PGAP6: variants seen among roughly 807,000 people sequenced by gnomAD.
PGAP6 encodes the protein post-GPI attachment to proteins factor 6.
In PGAP6, 62 loss-of-function variants were observed where a neutral mutation model predicts 68.4. The ratio of observed to expected loss-of-function variants is 0.91; its 90% CI spans 0.74 to 1.12. The LOEUF is 1.12. Ranked by LOEUF, PGAP6 falls within the 50% of genes most tolerant of loss-of-function variation. The pLI, the probability that PGAP6 is intolerant of heterozygous loss-of-function variation, is 0.00. For missense variants in PGAP6, 1,188 were observed against 1,068.5 expected (o/e 1.11, Z -1.56); for synonymous variants, 575 against 474.0 (o/e 1.21, Z -2.77).
intron 1 of PGAP6, among the ~76,000 whole-genome samples, chr16:378,225 G>GACTGCCATCGCCACCCGC (rs1567325698): frequency 7.3e-5 from 1 of 13,766 alleles, no homozygotes; most frequent in African/African-American, 2.0e-4. Flanking sequence ...TCGCCACCCT[G>GACTGCCATCGCCACCCGC]ACTGCCATCG....
intron 7 of PGAP6, 27 bp from the exon 8 acceptor site, chr16:375,283 AGAG>A (rs1242570151): frequency 4.3e-6 from 7 of 1,612,560 alleles, no homozygotes; most frequent in Non-Finnish European, 5.9e-6. Context: ...GGGCCCCATC[AGAG>A]GAGGCCGGGG....
rs974729470 is a variant in PGAP6, at chr16:371,567, C to T, written c.*420G>A. The T allele has an allele frequency of 3.1e-5, 6 of 193,074 alleles. No individual in the cohort carries two copies. Among genetic ancestry groups the T allele is most frequent in the South Asian group, 1.8e-4 (2 of 11,146 alleles). 12.0% of individuals were successfully genotyped at this position (193,074 alleles called of 1,614,324 possible). ...CAGGGGTCTCGGAGTCCACAGCTCC[C>T]GGCCCCAGTGGTGGGCTCAGGGCTC... On this transcript the variant is annotated 3_prime_UTR_variant, in exon 13 of 13. Coordinates refer to ENST00000431232, the MANE Select transcript of PGAP6 (RefSeq NM_021259.3).
chr16:380,504 T>A (rs912143037), intron 1 of PGAP6, among the ~76,000 whole-genome samples: 1 of 152,024 alleles, frequency 6.6e-6, no homozygotes, highest in African/African-American at 2.4e-5. Flanking sequence ...GTGGCTGGGA[T>A]TACAGGCATG....
At position 377,114 on chromosome 16, in the gene PGAP6, C is replaced by G. The variant is rs747536049; in HGVS notation, c.558G>C (p.Thr186=). ...CCATGATGGAAATCTCGACCACCCG[C>G]GTGACCAGCAGTTCAGGCTGGAAGA... ...AYVFQPELLV[T]RVVEISIMEP... The change falls in exon 4 of 13, where the codon ACG becomes ACC. Residue 186 remains threonine (T), a synonymous_variant. Coordinates refer to ENST00000431232, the MANE Select transcript of PGAP6 (RefSeq NM_021259.3). The G allele has an allele frequency of 1.9e-6, 3 of 1,613,636 alleles. No homozygotes were observed. The highest frequency in any genetic ancestry group is 2.5e-6 in the Non-Finnish European group (3 of 1,180,016).
At position 372,793 on chromosome 16, in the gene PGAP6, G is replaced by A. The variant is rs147450150; in HGVS notation, c.1903-66C>T. On this transcript the variant is annotated intron_variant, in intron 11 of 12. Transcript: ENST00000431232. ...GGCTCAAGGCCCAGCAGGAGCACGC[G>A]TACCCCACGGCCCCACAGCACCTCT... 298 of 1,173,390 alleles carry A rather than the reference G, an allele frequency of 2.5e-4. No individual in the cohort carries two copies. The African/African-American group carries it at 3.7e-3, about 14-fold the overall frequency. 72.7% of individuals were successfully genotyped at this position (1,173,390 alleles called of 1,614,324 possible).
chr16:377,649 A>G (rs1444598739), intron 2 of PGAP6, 22 bp downstream of exon 2: 2 of 1,572,252 alleles, frequency 1.3e-6, no homozygotes, highest in South Asian at 1.2e-5. Context: ...GAGGGTGGGC[A>G]GGCGGGCGGG....
rs2054372565 is a variant in PGAP6 at position 375,341 on chromosome 16, A to G, written c.1315+4T>C. On this transcript the variant is annotated splice_donor_region_variant and intron_variant, in intron 7 of 12. Transcript: ENST00000431232. Reference sequence around the variant, plus strand: ...ACGCTGACGGTGACGCCTGCCCATCATACCTGTGGTGCAGTTGAGCGAAGT... The same window carrying G: ...ACGCTGACGGTGACGCCTGCCCATCGTACCTGTGGTGCAGTTGAGCGAAGT... 1 of 1,612,812 alleles carries G rather than the reference A, an allele frequency of 6.2e-7. No homozygotes were observed. The highest frequency in any genetic ancestry group is 2.2e-5 in the East Asian group (1 of 44,864).
Position 377,062 on chromosome 16 carries a change from G to A in PGAP6, c.610C>T (p.Leu204Phe), listed in dbSNP as rs200758799. The A allele has an allele frequency of 6.2e-5, 100 of 1,613,330 alleles. No homozygotes were observed. In the East Asian group the frequency reaches 2.2e-3, roughly 35 times the overall value. The change falls in exon 4 of 13, where the codon CTC becomes TTC. Residue 204 changes from leucine to phenylalanine, a missense_variant. Leu to Phe is a conservative substitution (Grantham distance 22, BLOSUM62 0). Transcript: ENST00000431232. ...TTGAGGTAGCTGGGATGGGAGAGGA[G>A]GGTCTGAGGAAGGGGCACGTCCGGC... ...MEPDVPLPQT[L>F]LSHPSYLKVF...
rs1297932019 is a variant in PGAP6 at position 371,455 on chromosome 16, C to T, written c.*532G>A. On this transcript the variant is annotated 3_prime_UTR_variant, in exon 13 of 13. Transcript: ENST00000431232. Reference sequence around the variant, plus strand: ...CATCAGCTCTGGGGGAAACCTCCGTCTCCCGTCCCTATGGTGACCACAGCA... The same window carrying T: ...CATCAGCTCTGGGGGAAACCTCCGTTTCCCGTCCCTATGGTGACCACAGCA... 6.4e-6 allele frequency: 1 copy of T among 155,626 alleles called. No homozygotes were observed. Among genetic ancestry groups the T allele is most frequent in the African/African-American group, 2.4e-5 (1 of 41,434 alleles). 9.6% of individuals were successfully genotyped at this position (155,626 alleles called of 1,614,324 possible).
intron 1 of PGAP6, among the ~76,000 whole-genome samples, chr16:378,630 C>G (rs900298060): frequency 5.9e-5 from 9 of 152,218 alleles, no homozygotes; most frequent in African/African-American, 2.2e-4. Flanking sequence ...ATCACAGATG[C>G]CCTGGATATC....
At chr16:377,927 G>A in intron 1 of PGAP6, 79 bp from the exon 2 acceptor site, 1 of 1,301,908 alleles carries the variant, frequency 7.7e-7, no homozygotes, top group Non-Finnish European at 1.0e-6. Context: ...CCCCCAGATG[G>A]AAAGGGCTGG....
chr16:372,412 G>A (rs7184133), intron 12 of PGAP6, 129 bp from the exon 13 acceptor site: 31,758 of 1,130,382 alleles, frequency 0.028, 1,651 homozygotes, highest in African/African-American at 0.2. Context: ...GGGCTGCTTC[G>A]AGGGGGCTCA....
At position 375,407 on chromosome 16, in the gene PGAP6, A is replaced by G. The variant is rs2054373538; in HGVS notation, c.1253T>C (p.Val418Ala). The change falls in exon 7 of 13, where the codon GTG (valine) becomes GCG (alanine). Residue 418 changes from valine (V) to alanine (A), a missense_variant. Physicochemically the swap from Val to Ala is moderately conservative, Grantham distance 64. Coordinates refer to ENST00000431232, the MANE Select transcript of PGAP6 (RefSeq NM_021259.3). ...GGGCGAGGCAGCATTCACGCAGGCCACTACGACGGTCTCGTTCCGCATCTC... is the reference window on the plus strand; with the variant it reads ...GGGCGAGGCAGCATTCACGCAGGCCGCTACGACGGTCTCGTTCCGCATCTC... ...KTEMRNETVV[V>A]ACVNAASPFL... 1 of 1,612,106 alleles carries G rather than the reference A, an allele frequency of 6.2e-7. No homozygotes were observed. The highest frequency in any genetic ancestry group is 8.5e-7 in the Non-Finnish European group (1 of 1,179,970).
upstream of PGAP6, among the ~76,000 whole-genome samples, chr16:385,243 G>C (rs932352959): frequency 6.6e-6 from 1 of 151,124 alleles, no homozygotes; most frequent in East Asian, 1.9e-4. Flanking sequence ...AGAACTGCTT[G>C]TATTTGGAAA....
intron 11 of PGAP6, 45 bp downstream of exon 11, chr16:373,960 G>A (rs766385768): frequency 1.3e-6 from 2 of 1,550,136 alleles, no homozygotes; most frequent in African/African-American, 2.7e-5. Context: ...GCACTTGGGG[G>A]CCCTGCTCCC....
In PGAP6 at chr16:377,904, G is replaced by C. The variant is rs1234275011; in HGVS notation, c.122-56C>G. ...GGGACCCTCCTCCAGGGCCGCAGATGGGGAGGACGAGTCCCCCAGATGGAA... is the reference window on the plus strand; with the variant it reads ...GGGACCCTCCTCCAGGGCCGCAGATCGGGAGGACGAGTCCCCCAGATGGAA... On this transcript the variant is annotated intron_variant, in intron 1 of 12. Transcript: ENST00000431232. 1.2e-5 allele frequency: 18 copies of C among 1,455,814 alleles called. No homozygotes were observed. In the East Asian group the frequency reaches 4.5e-4, roughly 36 times the overall value. The allele number at this position is 1,455,814 out of a possible 1,614,324, so 90.2% of individuals were successfully genotyped here.
rs373547659 is a variant in PGAP6 at position 375,114 on chromosome 16, C to T, written c.1439+19G>A. 38 of 1,611,772 alleles carry T rather than the reference C, an allele frequency of 2.4e-5. No individual in the cohort carries two copies. The African/African-American group carries it at 4.8e-4, about 20-fold the overall frequency. ...ATGACAGGGTGCCTGGCCCCCGTCTCTGCCCTAGGTTTACTTACTCAGCAT... is the reference window on the plus strand; with the variant it reads ...ATGACAGGGTGCCTGGCCCCCGTCTTTGCCCTAGGTTTACTTACTCAGCAT... On this transcript the variant is annotated intron_variant, in intron 8 of 12. Transcript: ENST00000431232.
intron 8 of PGAP6, 85 bp from the exon 9 acceptor site, chr16:374,977 G>A (rs1314315707): frequency 6.3e-7 from 1 of 1,596,486 alleles, no homozygotes; most frequent in Non-Finnish European, 8.5e-7. Context: ...TGACAGACAT[G>A]AGAACGCAGC....
chr16:378,208 A>ATCGCCACT lies in PGAP6; in HGVS notation c.122-361_122-360insAGTGGCGA, dbSNP rs1567325681. ...CACCCGCACTGCCATCGCCACCCTG[A>ATCGCCACT]CTGCCATCGCCACCCTGACTGCCAT... On this transcript the variant is annotated intron_variant, in intron 1 of 12. Coordinates refer to ENST00000431232, the MANE Select transcript of PGAP6 (RefSeq NM_021259.3). 4.9e-5 allele frequency among the ~76,000 whole-genome samples: 7 copies of ATCGCCACT among 144,138 alleles called. 1 individual carries two copies. Among genetic ancestry groups the ATCGCCACT allele is most frequent in the African/African-American group, 1.9e-4 (7 of 37,486 alleles). 94.6% of individuals were successfully genotyped at this position (144,138 alleles called of 152,430 possible). A position where few individuals can be genotyped will look rare whatever the true frequency, so the allele number is the denominator to read the frequency against.
Sources: allele counts gnomAD v4.1 joint callset (sites outside exome capture counted in the v4.1 genomes callset), GRCh38; gene constraint gnomAD v4.1.1; transcripts MANE v1.5; gene names NCBI Gene and HGNC (gene_info 2026-07-23, HGNC 2026-07-21).